DCDC1: variants seen among roughly 807,000 people sequenced by gnomAD.
The protein encoded by DCDC1 is doublecortin domain-containing protein 1.
DCDC1 carries 200 observed loss-of-function variants against 178.3 expected under a neutral mutation model. That is an observed-to-expected ratio of 1.12 (90% CI 1.00 to 1.26). The LOEUF is 1.26. Among genes scored for constraint, DCDC1 ranks in the 50% most tolerant of loss-of-function variants. DCDC1 has a pLI of 0.00. For synonymous variants in DCDC1, 690 were observed against 604.8 expected, an observed-to-expected ratio of 1.14 and a Z score of -2.07; for missense variants, 1,983 against 1,749.2, an observed-to-expected ratio of 1.13 and a Z score of -2.38.
chr11:30,868,731 A>G (rs1045235378), intron 38 of DCDC1, among the ~76,000 whole-genome samples: 1 of 152,218 alleles, frequency 6.6e-6, no homozygotes, highest in African/African-American at 2.4e-5. Context: ...AGCAGAGATC[A>G]GTCTGGGTCA....
chr11:31,357,609 A>C (rs1951453502), intron 1 of DCDC1, among the ~76,000 whole-genome samples: 1 of 152,152 alleles, frequency 6.6e-6, no homozygotes, highest in Admixed American at 6.5e-5. Flanking sequence ...AGGAGAAGGA[A>C]ATAAAGGGTA....
At chr11:31,058,321 G>A (rs535457637) in intron 20 of DCDC1, among the ~76,000 whole-genome samples, 8 of 152,102 alleles carry the variant, frequency 5.3e-5, no homozygotes, top group South Asian at 2.1e-4. Flanking sequence ...TTCATTCAGC[G>A]ACTTTGTATT....
chr11:31,237,933 T>A (rs1324538479), intron 9 of DCDC1, among the ~76,000 whole-genome samples: 1 of 152,078 alleles, frequency 6.6e-6, no homozygotes, highest in Non-Finnish European at 1.5e-5. Context: ...TCTTCCTAAT[T>A]AAGATGGTGC....
intron 1 of DCDC1, among the ~76,000 whole-genome samples, chr11:31,341,316 C>G (rs1414026274): frequency 1.3e-5 from 2 of 151,930 alleles, no homozygotes; most frequent in Non-Finnish European, 2.9e-5. Context: ...ACATTGAGAC[C>G]AATTCACCCT....
At chr11:31,267,422 C>T (rs1314504225) in intron 7 of DCDC1, among the ~76,000 whole-genome samples, 1 of 152,126 alleles carries the variant, frequency 6.6e-6, no homozygotes, top group Non-Finnish European at 1.5e-5. Context: ...GAACTCCCAA[C>T]CTCAAGTGAT....
intron 15 of DCDC1, among the ~76,000 whole-genome samples, chr11:31,096,891 A>G (rs936697461): frequency 2.0e-5 from 3 of 152,210 alleles, no homozygotes; most frequent in African/African-American, 7.2e-5. Context: ...AATCCACAAC[A>G]TAATATGCCA....
intron 8 of DCDC1, among the ~76,000 whole-genome samples, chr11:31,256,944 C>T (rs1944448994): frequency 6.6e-6 from 1 of 152,106 alleles, no homozygotes; most frequent in Non-Finnish European, 1.5e-5. Flanking sequence ...TCATGCCTTC[C>T]TTACTGTGTA....
chr11:30,893,159 T>A (rs1943926838), intron 35 of DCDC1, among the ~76,000 whole-genome samples, 162 bp from the exon 36 acceptor site: 1 of 152,248 alleles, frequency 6.6e-6, no homozygotes, highest in Non-Finnish European at 1.5e-5. Flanking sequence ...TCACTGACTC[T>A]GGTAAATTCC....
chr11:30,951,365 A>G (rs1306100063), intron 21 of DCDC1, among the ~76,000 whole-genome samples: 1 of 152,150 alleles, frequency 6.6e-6, no homozygotes, highest in African/African-American at 2.4e-5. Flanking sequence ...AATACCTTAC[A>G]TGAATAAGGG....
At chr11:31,231,061 G>A (rs901866347) in intron 9 of DCDC1, among the ~76,000 whole-genome samples, 1 of 151,898 alleles carries the variant, frequency 6.6e-6, no homozygotes, top group Non-Finnish European at 1.5e-5. Flanking sequence ...CAAGGCCCAG[G>A]CAATCCTCCC....
In DCDC1 at chr11:30,864,278, A is replaced by G. The variant is rs972904579; in HGVS notation, c.*1095T>C. The stretch of plus-strand genomic sequence containing the variant: ...TCAATTCATCTATAAGTAATTTCAC[A>G]TAACTTTTGGATGTTTCTTCAAACT... On this transcript the variant is annotated 3_prime_UTR_variant, in exon 39 of 39. Coordinates refer to ENST00000684477, the MANE Select transcript of DCDC1 (RefSeq NM_001387274.1). 7.2e-5 allele frequency: 11 copies of G among 152,256 alleles called. No homozygotes were observed. Among genetic ancestry groups the G allele is most frequent in the African/African-American group, 2.7e-4 (11 of 41,480 alleles). 9.4% of individuals were successfully genotyped at this position (152,256 alleles called of 1,614,324 possible).
chr11:31,069,968 C>T (rs1009123789), intron 18 of DCDC1, among the ~76,000 whole-genome samples: 13 of 152,266 alleles, frequency 8.5e-5, no homozygotes, highest in Non-Finnish European at 1.5e-4. Context: ...ATGGGCTTTG[C>T]TTCCTGGAGT....
chr11:30,870,045 G>A (rs1941390365), intron 38 of DCDC1, among the ~76,000 whole-genome samples: 1 of 152,144 alleles, frequency 6.6e-6, no homozygotes, highest in Non-Finnish European at 1.5e-5. Flanking sequence ...GCAGTGGTCT[G>A]AAGTCAGATA....
intron 10 of DCDC1, among the ~76,000 whole-genome samples, chr11:31,129,211 T>C (rs1028257069): frequency 1.3e-5 from 2 of 152,180 alleles, no homozygotes; most frequent in Non-Finnish European, 2.9e-5. Flanking sequence ...TTCAAGTTTA[T>C]ATGTATATGT....
intron 1 of DCDC1, among the ~76,000 whole-genome samples, chr11:31,342,110 AGGG>A (rs1421764809): frequency 6.6e-6 from 1 of 152,198 alleles, no homozygotes; most frequent in Admixed American, 6.5e-5. Flanking sequence ...CTCATTAGGG[AGGG>A]GACAGCTGGA....
At chr11:31,368,567 A>G (rs1952088141) in intron 1 of DCDC1, among the ~76,000 whole-genome samples, 1 of 152,194 alleles carries the variant, frequency 6.6e-6, no homozygotes, top group African/African-American at 2.4e-5. Flanking sequence ...CCTGTGGAGA[A>G]CCTAATCTAT....
chr11:31,316,016 C>T (rs374325632), intron 3 of DCDC1, among the ~76,000 whole-genome samples: 25 of 86,084 alleles, frequency 2.9e-4, no homozygotes, highest in South Asian at 6.5e-4. Context: ...TAGTATTCCA[C>T]GGTGTATATG....
At chr11:31,283,546 G>A (rs1213279427) in intron 7 of DCDC1, among the ~76,000 whole-genome samples, 1 of 150,706 alleles carries the variant, frequency 6.6e-6, no homozygotes, top group East Asian at 2.0e-4. Flanking sequence ...TCTATTTTGG[G>A]GTCTGTTTCT....
intron 7 of DCDC1, among the ~76,000 whole-genome samples, chr11:31,267,300 C>T (rs1234869102): frequency 2.6e-5 from 4 of 152,044 alleles, no homozygotes; most frequent in Non-Finnish European, 5.9e-5. Context: ...AAGTGATTCT[C>T]CTGCCTCAGC....
Sources: allele counts gnomAD v4.1 joint callset (sites outside exome capture counted in the v4.1 genomes callset), GRCh38; gene constraint gnomAD v4.1.1; transcripts MANE v1.5; gene names NCBI Gene and HGNC (gene_info 2026-07-23, HGNC 2026-07-21).